PCDHGB3: variants seen among roughly 807,000 people sequenced by gnomAD.
The protein encoded by PCDHGB3 is protocadherin gamma subfamily B, 3.
In PCDHGB3, 40 loss-of-function variants were observed where a neutral mutation model predicts 59.2. The ratio of observed to expected loss-of-function variants is 0.68; its 90% CI spans 0.52 to 0.88. The LOEUF is 0.88. Among genes scored for constraint, PCDHGB3 ranks in the 40% least tolerant of loss-of-function variants. PCDHGB3 has a pLI of 0.00. For missense variants in PCDHGB3, 1,309 were observed against 1,187.9 expected, an observed-to-expected ratio of 1.10 and a Z score of -1.50; for synonymous variants, 581 against 503.6, an observed-to-expected ratio of 1.15 and a Z score of -2.06.
At chr5:141,393,579 C>T (rs2092799952) in intron 1 of PCDHGB3, 2 of 1,613,888 alleles carry the variant, frequency 1.2e-6, no homozygotes, top group Non-Finnish European at 1.7e-6. Context: ...TGAGAACATG[C>T]CCCCAGGCAC....
At position 141,385,168 on chromosome 5, in the gene PCDHGB3, G is replaced by T. The variant is rs376175214; in HGVS notation, c.2415+12359G>T. On this transcript the variant is annotated intron_variant, in intron 1 of 3. Transcript: ENST00000576222. ...TTTCCTGCAGACCTATTCCCATGAG[G>T]TCTCCCTCACCGCGGACTCTCGGAA... 1.5e-5 allele frequency: 24 copies of T among 1,614,100 alleles called. No individual in the cohort carries two copies. Among genetic ancestry groups the T allele is most frequent in the Non-Finnish European group, 2.0e-5 (24 of 1,180,058 alleles).
chr5:141,416,449 G>A (rs938389094), intron 1 of PCDHGB3: 1 of 152,138 alleles, frequency 6.6e-6, no homozygotes, highest in Non-Finnish European at 1.5e-5. Context: ...AATATGGGTT[G>A]GGAAGACAGA....
chr5:141,410,687 T>A, intron 1 of PCDHGB3: 1 of 1,518,632 alleles, frequency 6.6e-7, no homozygotes, highest in Non-Finnish European at 8.8e-7. Context: ...TTAGGCATAC[T>A]ACTTTATTTT....
intron 1 of PCDHGB3, among the ~76,000 whole-genome samples, chr5:141,484,170 A>G (rs962978452): frequency 6.6e-6 from 1 of 152,210 alleles, no homozygotes; most frequent in Non-Finnish European, 1.5e-5. Context: ...TTGGTAGCTG[A>G]TCTCAATCAT....
intron 1 of PCDHGB3, among the ~76,000 whole-genome samples, chr5:141,445,871 T>C (rs1318495005): frequency 6.6e-6 from 1 of 152,198 alleles, no homozygotes; most frequent in Non-Finnish European, 1.5e-5. Context: ...TTGTTCTAAA[T>C]ACCCTTGTAC....
chr5:141,498,312 T>C (rs2099783060), intron 2 of PCDHGB3, among the ~76,000 whole-genome samples: 1 of 151,714 alleles, frequency 6.6e-6, no homozygotes, highest in Non-Finnish European at 1.5e-5. Context: ...TCACACTGCC[T>C]ACACAGAAGG....
At chr5:141,443,844 G>T (rs976057583) in intron 1 of PCDHGB3, among the ~76,000 whole-genome samples, 1 of 152,130 alleles carries the variant, frequency 6.6e-6, no homozygotes, top group African/African-American at 2.4e-5. Flanking sequence ...GGGTAATATG[G>T]AAAGTCTGAA....
chr5:141,492,111 C>T (rs2154587044), intron 1 of PCDHGB3, among the ~76,000 whole-genome samples: 1 of 152,320 alleles, frequency 6.6e-6, no homozygotes, highest in South Asian at 2.1e-4. Context: ...ATTTCCTCTT[C>T]GATTTCTCCC....
In PCDHGB3 at chr5:141,511,307, G is replaced by A. The variant is rs919320754; in HGVS notation, c.*134G>A. On this transcript the variant is annotated 3_prime_UTR_variant, in exon 4 of 4. Coordinates refer to ENST00000576222, the MANE Select transcript of PCDHGB3 (RefSeq NM_018924.5). ...TAGGGGCCAAGGCCATGCTCCCCTT[G>A]GGAAACAGAAACAAGTGCCCAGTCA... 8 of 1,488,416 alleles carry A rather than the reference G, an allele frequency of 5.4e-6. No individual in the cohort carries two copies. Among genetic ancestry groups the A allele is most frequent in the Non-Finnish European group, 5.4e-6 (6 of 1,115,202 alleles). The allele number at this position is 1,488,416 out of a possible 1,614,324, so 92.2% of individuals were successfully genotyped here. A position where few individuals can be genotyped will look rare whatever the true frequency, so the allele number is the denominator to read the frequency against.
In PCDHGB3 at chr5:141,421,238, G is replaced by C. The variant is rs920128735; in HGVS notation, c.2415+48429G>C. 3.1e-6 allele frequency: 5 copies of C among 1,597,422 alleles called. No individual in the cohort carries two copies. Among genetic ancestry groups the C allele is most frequent in the African/African-American group, 2.7e-5 (2 of 74,378 alleles). ...GGCTTAGAGCCTGCCATGGCGAATC[G>C]GCTACAGCGCGGGGACCGCAGTCGG... On this transcript the variant is annotated intron_variant, in intron 1 of 3. Transcript: ENST00000576222.
At chr5:141,410,697 T>G in intron 1 of PCDHGB3, 1 of 1,489,152 alleles carries the variant, frequency 6.7e-7, no homozygotes, top group Non-Finnish European at 9.0e-7. Context: ...TACTTTATTT[T>G]CATATCTAGA....
intron 1 of PCDHGB3, chr5:141,399,805 T>G (rs776266997): frequency 6.2e-7 from 1 of 1,613,192 alleles, no homozygotes; most frequent in Admixed American, 1.7e-5. Context: ...GCGGGTGCTG[T>G]ACCCCGCGCT....
In PCDHGB3 at chr5:141,431,544, T is replaced by C. The variant is rs1409551731; in HGVS notation, c.2415+58735T>C. 1.2e-6 allele frequency: 2 copies of C among 1,614,152 alleles called. No individual in the cohort carries two copies. The highest frequency in any genetic ancestry group is 2.2e-5 in the South Asian group (2 of 91,092). ...AATCTGGCCTTGGGCACGCAGCTGC[T>C]TGTAGTCAACGCTACCGACCCTGAC... On this transcript the variant is annotated intron_variant, in intron 1 of 3. Coordinates refer to ENST00000576222, the MANE Select transcript of PCDHGB3 (RefSeq NM_018924.5). The surrounding 1 kb of genome is among the most constrained non-coding windows in gnomAD (Gnocchi z 4.8).
intron 1 of PCDHGB3, chr5:141,411,213 CTATT>C (rs1479996814): frequency 1.3e-5 from 2 of 152,186 alleles, no homozygotes; most frequent in African/African-American, 2.4e-5. Context: ...AGTAACCTAT[CTATT>C]CAAATTTGCG....
Position 141,481,023 on chromosome 5 carries a change from A to G in PCDHGB3, c.2416-13784A>G, listed in dbSNP as rs546827260. On this transcript the variant is annotated intron_variant, in intron 1 of 3. Transcript: ENST00000576222. ...CAGTGAGCCCAGATCACACCACTGC[A>G]CTCCAGCCTGGGCGACAGAGCGAGA... Among the ~76,000 whole-genome samples the G allele has an allele frequency of 9.0e-4, 137 of 152,218 alleles. 1 individual carries two copies. The highest frequency in any genetic ancestry group is 3.2e-3 in the African/African-American group (132 of 41,516).
At chr5:141,462,302 A>C (rs2099036796) in intron 1 of PCDHGB3, among the ~76,000 whole-genome samples, 1 of 152,222 alleles carries the variant, frequency 6.6e-6, no homozygotes, top group African/African-American at 2.4e-5. Context: ...GTATTACCCA[A>C]ATATATTTGT....
rs964965013 is a variant in PCDHGB3 at position 141,489,097 on chromosome 5, C to G, written c.2416-5710C>G. The G allele has an allele frequency of 6.4e-6, 2 of 313,448 alleles. No homozygotes were observed. The highest frequency in any genetic ancestry group is 1.1e-4 in the South Asian group (2 of 18,596). 19.4% of individuals were successfully genotyped at this position (313,448 alleles called of 1,614,324 possible). The stretch of plus-strand genomic sequence containing the variant: ...ACCCCCGCCACTCGGTGACTAAGAA[C>G]TGCTGCAAGCAGGCAAACCTCCGAG... On this transcript the variant is annotated intron_variant, in intron 1 of 3. Coordinates refer to ENST00000576222, the MANE Select transcript of PCDHGB3 (RefSeq NM_018924.5). This position sits in a 1 kb window ranked among gnomAD's most constrained non-coding sequence, Gnocchi z 4.5.
At chr5:141,393,624 G>A (rs1190793808) in intron 1 of PCDHGB3, 1 of 1,613,972 alleles carries the variant, frequency 6.2e-7, no homozygotes, top group Non-Finnish European at 8.5e-7. Flanking sequence ...CGACCCGGAT[G>A]AGGGAATCAA....
chr5:141,382,962 G>T (rs1259468425), intron 1 of PCDHGB3: 2 of 1,607,858 alleles, frequency 1.2e-6, no homozygotes, highest in Non-Finnish European at 1.7e-6. Flanking sequence ...TCCTCCTGGG[G>T]ACCCCCTGGG....
Sources: gnomAD v4.1 joint callset for allele counts (sites outside exome capture counted in the v4.1 genomes callset) on GRCh38, gnomAD v4.1.1 for gene constraint, Gnocchi (gnomAD v3.1) non-coding constraint, MANE v1.5 for transcripts, NCBI Gene and HGNC (gene_info 2026-07-23, HGNC 2026-07-21) for gene names.